Variants in CAMK1G observed in about 807,000 individuals in gnomAD.
CAMK1G encodes calcium/calmodulin dependent protein kinase IG, also known as calcium/calmodulin-dependent protein kinase type 1G.
Under a neutral mutation model 54.8 loss-of-function variants are expected in CAMK1G, and 27 were observed. The ratio of observed to expected loss-of-function variants is 0.49; its 90% confidence interval spans 0.36 to 0.68. CAMK1G has a LOEUF of 0.68. Ranked by LOEUF, CAMK1G falls within the 30% of genes least tolerant of loss-of-function variation. CAMK1G has a pLI of 0.00. For missense variants in CAMK1G, 512 were observed against 591.0 expected (o/e 0.87, Z 1.39); for synonymous variants, 238 against 224.9 (o/e 1.06, Z -0.52).
chr1:209,608,927 C>A, intron 7 of CAMK1G, 53 bp from the exon 8 acceptor site: 1 of 1,605,998 alleles, frequency 6.2e-7, no homozygotes, highest in Non-Finnish European at 8.5e-7. Context: ...GAGAGGCTGG[C>A]TCAGGGAGGA....
chr1:209,595,703 G>A (rs1309552888), intron 2 of CAMK1G, among the ~76,000 whole-genome samples: 1 of 152,190 alleles, frequency 6.6e-6, no homozygotes, highest in African/African-American at 2.4e-5. Context: ...GGCCCAGGGA[G>A]CTCGTGGGTC....
At chr1:209,603,934 C>T (rs555552989) in intron 4 of CAMK1G, among the ~76,000 whole-genome samples, 6 of 152,304 alleles carry the variant, frequency 3.9e-5, no homozygotes, top group South Asian at 4.1e-4. Context: ...TGCATCCAAA[C>T]AACAGCTCTG....
chr1:209,601,861 C>G (rs1241989038), intron 3 of CAMK1G, among the ~76,000 whole-genome samples: 1 of 152,200 alleles, frequency 6.6e-6, no homozygotes, highest in Non-Finnish European at 1.5e-5. Context: ...GAGACACATA[C>G]TTTTCAGACA....
In CAMK1G at chr1:209,603,462, G is replaced by A. The variant is rs1199175992; in HGVS notation, c.296+174G>A. ...TTAGACTGAGTGTGCCTCTGGTCATGGGCAGGTTCTATGTGGGCCACAGGG... is the reference window on the plus strand; with the variant it reads ...TTAGACTGAGTGTGCCTCTGGTCATAGGCAGGTTCTATGTGGGCCACAGGG... On this transcript the variant is annotated intron_variant, in intron 4 of 12. Transcript: ENST00000361322. Among the ~76,000 whole-genome samples the A allele has an allele frequency of 3.3e-5, 5 of 151,956 alleles. No homozygotes were observed. In the East Asian group the frequency reaches 7.8e-4, roughly 24 times the overall value.
intron 9 of CAMK1G, 31 bp downstream of exon 9, chr1:209,609,960 C>T (rs1387189388): frequency 6.4e-7 from 1 of 1,570,144 alleles, no homozygotes; most frequent in South Asian, 1.1e-5. Context: ...ACTCTAGACC[C>T]CAGCCCTGTA....
intron 5 of CAMK1G, 128 bp from the exon 6 acceptor site, chr1:209,606,192 G>A (rs1665645826): frequency 8.4e-7 from 1 of 1,194,386 alleles, no homozygotes; most frequent in Admixed American, 2.0e-5. Flanking sequence ...GGGAAGAATG[G>A]GGGAGGATGA....
At position 209,595,042 on chromosome 1, in the gene CAMK1G, G is replaced by A. The variant is rs148219739; in HGVS notation, c.59G>A (p.Arg20Gln). ...SSWKKQTTNI[R>Q]KTFIFMEVLG... ...TGGAAGAAACAGACCACCAACATCC[G>A]GAAAACCTTCATTTTTATGGAAGTG... The change falls in exon 2 of 13, where the codon CGG becomes CAG. Residue 20 changes from arginine (R) to glutamine (Q), a missense_variant. Coordinates refer to ENST00000361322, the MANE Select transcript of CAMK1G (RefSeq NM_020439.3). The A allele has an allele frequency of 2.3e-5, 37 of 1,613,892 alleles. No homozygotes were observed. In the Middle Eastern group the frequency reaches 6.6e-4, roughly 29 times the overall value.
At position 209,607,806 on chromosome 1, in the gene CAMK1G, A is replaced by G. The variant is rs903408933; in HGVS notation, c.560-52A>G. 6.6e-6 allele frequency: 10 copies of G among 1,525,226 alleles called. No individual in the cohort carries two copies. In the Admixed American group the frequency reaches 1.6e-4, roughly 25 times the overall value. 94.5% of individuals were successfully genotyped at this position (1,525,226 alleles called of 1,614,324 possible). A position where few individuals can be genotyped will look rare whatever the true frequency, so the allele number is the denominator to read the frequency against. Reference sequence around the variant, plus strand: ...AAGCCTGGCCTTCAGCTCCCACCCCAAAGCCCTCTCCTCTTGCCACCAGCC... The same window carrying G: ...AAGCCTGGCCTTCAGCTCCCACCCCGAAGCCCTCTCCTCTTGCCACCAGCC... On this transcript the variant is annotated intron_variant, in intron 6 of 12. Transcript: ENST00000361322.
chr1:209,590,747 G>T (rs928210195), intron 1 of CAMK1G, among the ~76,000 whole-genome samples: 3 of 152,048 alleles, frequency 2.0e-5, no homozygotes. Context: ...GAGCAAGGAT[G>T]GGGGAGGCAC....
chr1:209,610,777 G>A (rs1665762010), intron 9 of CAMK1G, among the ~76,000 whole-genome samples: 5 of 152,092 alleles, frequency 3.3e-5, no homozygotes, highest in Admixed American at 6.5e-5. Flanking sequence ...AACAACACCC[G>A]ACATCTAGAC....
At chr1:209,603,387 GAC>G in intron 4 of CAMK1G, 99 bp downstream of exon 4, 1 of 888,212 alleles carries the variant, frequency 1.1e-6, no homozygotes, top group South Asian at 1.4e-5. Flanking sequence ...GCAATTCAAA[GAC>G]AAAAATGAAG....
chr1:209,594,044 T>G (rs1665321372), intron 1 of CAMK1G, among the ~76,000 whole-genome samples: 2 of 152,160 alleles, frequency 1.3e-5, no homozygotes, highest in Non-Finnish European at 2.9e-5. Context: ...TTTATTTCCT[T>G]TGCACAGAAG....
In CAMK1G at chr1:209,607,854, G is replaced by C; in HGVS notation, c.560-4G>C. 1 of 1,612,018 alleles carries C rather than the reference G, an allele frequency of 6.2e-7. No individual in the cohort carries two copies. Among genetic ancestry groups the C allele is most frequent in the Non-Finnish European group, 8.5e-7 (1 of 1,179,028 alleles). Reference sequence around the variant, plus strand: ...GCCCTGACTCTGCCCTTGGTCTGCTGCAGCTCCAGAAGTGCTGGCCCAGAA... The same window carrying C: ...GCCCTGACTCTGCCCTTGGTCTGCTCCAGCTCCAGAAGTGCTGGCCCAGAA... On this transcript the variant is annotated splice_polypyrimidine_tract_variant and splice_region_variant and intron_variant, in intron 6 of 12. Transcript: ENST00000361322.
chr1:209,597,197 G>T (rs923783150), intron 2 of CAMK1G, among the ~76,000 whole-genome samples: 9 of 152,186 alleles, frequency 5.9e-5, no homozygotes, highest in South Asian at 2.1e-4. Flanking sequence ...CTAGCCTGTT[G>T]TCTGCTCGGG....
chr1:209,603,406 T>A, intron 4 of CAMK1G, 118 bp downstream of exon 4: 1 of 754,920 alleles, frequency 1.3e-6, no homozygotes, highest in Middle Eastern at 2.6e-4. Context: ...GAAGACTTCA[T>A]TCAGGAGGCT....
chr1:209,603,258 G>A lies in CAMK1G; in HGVS notation c.266G>A (p.Ser89Asn). 1.2e-6 allele frequency: 2 copies of A among 1,614,132 alleles called. No homozygotes were observed. Among genetic ancestry groups the A allele is most frequent in the South Asian group, 2.2e-5 (2 of 91,078 alleles). ...NIVTLEDIYE[S>N]TTHYYLVMQL... The stretch of plus-strand genomic sequence containing the variant: ...GTGACCCTGGAGGACATCTATGAGA[G>A]CACCACCCACTACTACCTGGTCATG... The change falls in exon 4 of 13, where the codon AGC (serine) becomes AAC (asparagine). Residue 89 changes from serine to asparagine, a missense_variant. Ser to Asn is a conservative substitution (Grantham distance 46, BLOSUM62 1). This residue lies in a region of CAMK1G where 186 missense variants were observed against 231.5 expected (regional missense o/e 0.80). Transcript: ENST00000361322.
At chr1:209,588,450 C>G (rs1437847943) in intron 1 of CAMK1G, among the ~76,000 whole-genome samples, 4 of 152,014 alleles carry the variant, frequency 2.6e-5, no homozygotes, top group Non-Finnish European at 4.4e-5. Flanking sequence ...CGTGATGCTC[C>G]TAAGACTCTG....
At chr1:209,609,591 G>A (rs1045720036) in intron 8 of CAMK1G, among the ~76,000 whole-genome samples, 3 of 152,234 alleles carry the variant, frequency 2.0e-5, no homozygotes, top group African/African-American at 7.2e-5. Context: ...GTGATGTGCA[G>A]GCACATGGGG....
intron 5 of CAMK1G, 163 bp from the exon 6 acceptor site, chr1:209,606,157 G>C: frequency 2.8e-6 from 1 of 353,792 alleles, no homozygotes; most frequent in African/African-American, 2.2e-5. Flanking sequence ...GGGTGCAGGT[G>C]TGAGGGTGCA....
Sources: gnomAD v4.1 joint callset for allele counts (sites outside exome capture counted in the v4.1 genomes callset) on GRCh38, gnomAD v4.1.1 for gene constraint, gnomAD v4.1.1 regional missense constraint, MANE v1.5 for transcripts, NCBI Gene and HGNC (gene_info 2026-07-23, HGNC 2026-07-21) for gene names.